PDE4D: variants seen among roughly 807,000 people sequenced by gnomAD.
PDE4D encodes 3',5'-cyclic-AMP phosphodiesterase 4D.
A neutral mutation model predicts 87.4 loss-of-function variants in PDE4D; 24 were observed. That is an observed-to-expected ratio of 0.27 (90% confidence interval 0.20 to 0.39). The LOEUF (loss-of-function observed/expected upper bound fraction) is 0.39, where lower values mean the gene tolerates loss of function less well. Ranked by LOEUF, PDE4D falls within the 10% of genes least tolerant of loss-of-function variation. The pLI, the probability that PDE4D is intolerant of heterozygous loss-of-function variation, is 1.00. For synonymous variants in PDE4D, 384 were observed against 383.2 expected, an observed-to-expected ratio of 1.00 and a Z score of -0.02; for missense variants, 714 against 1,041.0, an observed-to-expected ratio of 0.69 and a Z score of 4.32.
chr5:60,037,497 T>C (rs1003062473), intron 2 of PDE4D, among the ~76,000 whole-genome samples: 1 of 152,220 alleles, frequency 6.6e-6, no homozygotes, highest in African/African-American at 2.4e-5. Flanking sequence ...GGCCCATTTG[T>C]TTACTTATTC....
intron 2 of PDE4D, among the ~76,000 whole-genome samples, chr5:60,076,320 G>A (rs12153569): frequency 0.01 from 1,555 of 152,050 alleles, 12 homozygotes; most frequent in Non-Finnish European, 0.018. Context: ...TGCCATGCCC[G>A]GCTAGTTTTC....
chr5:59,866,168 T>G (rs553707806), intron 1 of PDE4D, among the ~76,000 whole-genome samples: 1 of 152,150 alleles, frequency 6.6e-6, no homozygotes, highest in Non-Finnish European at 1.5e-5. Flanking sequence ...GACAACTGTA[T>G]GTTGACAGAA....
chr5:59,607,136 C>G (rs1447873692), intron 1 of PDE4D, among the ~76,000 whole-genome samples: 1 of 152,120 alleles, frequency 6.6e-6, no homozygotes, highest in East Asian at 1.9e-4. Context: ...AATTTGATTC[C>G]TAACCCTATT....
chr5:60,416,671 A>C (rs1742608146), intron 1 of PDE4D, among the ~76,000 whole-genome samples: 1 of 152,208 alleles, frequency 6.6e-6, no homozygotes, highest in South Asian at 2.1e-4. Flanking sequence ...ACTCACCATG[A>C]GCGTCCGCGG....
intron 1 of PDE4D, among the ~76,000 whole-genome samples, chr5:59,431,463 G>A (rs924860347): frequency 6.6e-5 from 10 of 152,050 alleles, no homozygotes; most frequent in South Asian, 4.2e-4. Flanking sequence ...GAATAGACAC[G>A]CCAGTTTATT....
At chr5:59,647,150 G>A (rs570146728) in intron 1 of PDE4D, among the ~76,000 whole-genome samples, 1 of 152,266 alleles carries the variant, frequency 6.6e-6, no homozygotes, top group Non-Finnish European at 1.5e-5. Flanking sequence ...CAGCCTTCAA[G>A]TTGAAATGGA....
intron 1 of PDE4D, among the ~76,000 whole-genome samples, chr5:59,785,785 C>T (rs1561659154): frequency 1.3e-5 from 2 of 152,096 alleles, no homozygotes; most frequent in Admixed American, 1.3e-4. Flanking sequence ...AAGGATGGTA[C>T]CATGTTTTTG....
At chr5:60,121,459 G>A (rs1449545917) in intron 2 of PDE4D, among the ~76,000 whole-genome samples, 1 of 152,096 alleles carries the variant, frequency 6.6e-6, no homozygotes, top group African/African-American at 2.4e-5. Context: ...TGTGTCTGGG[G>A]AGGCCTCACA....
chr5:60,027,203 T>C (rs185778147), intron 2 of PDE4D, among the ~76,000 whole-genome samples: 1 of 152,282 alleles, frequency 6.6e-6, no homozygotes, highest in East Asian at 1.9e-4. Flanking sequence ...CAATAGATAG[T>C]TTCTTAACCC....
chr5:59,340,193 T>A lies in PDE4D; in HGVS notation c.456-124225A>T, dbSNP rs558338731. Among the ~76,000 whole-genome samples the A allele has an allele frequency of 1.8e-3, 273 of 152,318 alleles. 1 individual carries two copies. The highest frequency in any genetic ancestry group is 6.4e-3 in the African/African-American group (265 of 41,574). On this transcript the variant is annotated intron_variant, in intron 1 of 14. Transcript: ENST00000340635. ...GACTTGCTCATAAAATTTGATCTCA[T>A]TTATCACTTTAAATTTTATCCTTTT... is the stretch of plus-strand genomic sequence containing the variant.
At chr5:60,519,137 G>T (rs976652790) in intron 1 of PDE4D, among the ~76,000 whole-genome samples, 1 of 152,178 alleles carries the variant, frequency 6.6e-6, no homozygotes, top group Non-Finnish European at 1.5e-5. Flanking sequence ...TATTACTAAC[G>T]AACTTGAAGT....
At position 59,321,737 on chromosome 5, in the gene PDE4D, A is replaced by G. The variant is rs57717602; in HGVS notation, c.456-105769T>C. Among the ~76,000 whole-genome samples the G allele has an allele frequency of 0.018, 2,770 of 152,244 alleles. 150 individuals are homozygous for G. The East Asian group carries it at 0.22, about 12-fold the overall frequency. ...AGCAGCACAGAAGCCACAGAATGAA[A>G]GGAGAGCAAGTGCTGAGTGTAATAT... On this transcript the variant is annotated intron_variant, in intron 1 of 14. Transcript: ENST00000340635.
chr5:60,007,131 G>T (rs1764570574), intron 2 of PDE4D, among the ~76,000 whole-genome samples: 1 of 151,918 alleles, frequency 6.6e-6, no homozygotes, highest in Non-Finnish European at 1.5e-5. Flanking sequence ...TTTGCCACAT[G>T]TTGGCCTCTG....
chr5:59,228,796 A>G (rs71626145), intron 1 of PDE4D, among the ~76,000 whole-genome samples: 6,772 of 151,848 alleles, frequency 0.045, 279 homozygotes, highest in Admixed American at 0.14. Flanking sequence ...CTTTACCTAC[A>G]TCTCTCCCTC....
At chr5:60,194,097 C>G (rs1321993939) in intron 1 of PDE4D, among the ~76,000 whole-genome samples, 1 of 151,554 alleles carries the variant, frequency 6.6e-6, no homozygotes, top group Non-Finnish European at 1.5e-5. Flanking sequence ...TATGTTCTCC[C>G]TCCTCAAGAT....
At chr5:59,829,483 CA>C (rs1282264544) in intron 1 of PDE4D, among the ~76,000 whole-genome samples, 1 of 151,972 alleles carries the variant, frequency 6.6e-6, no homozygotes, top group East Asian at 1.9e-4. Context: ...TGTTATAACA[CA>C]GCTGTTTTTC....
At position 60,128,732 on chromosome 5, in the gene PDE4D, G is replaced by T. The variant is rs530781132; in HGVS notation, c.42+56825C>A. Reference sequence around the variant, plus strand: ...TAACTGATACACTGAAGCTGGCTACGTTGGAAGCAACTCAGAGGGGCAGCA... The same window carrying T: ...TAACTGATACACTGAAGCTGGCTACTTTGGAAGCAACTCAGAGGGGCAGCA... On this transcript the variant is annotated intron_variant, in intron 2 of 16. Transcript: ENST00000502484. Among the ~76,000 whole-genome samples the T allele has an allele frequency of 6.6e-5, 10 of 152,268 alleles. No homozygotes were observed. The South Asian group carries it at 1.5e-3, about 22-fold the overall frequency.
chr5:60,332,355 C>G (rs901229906), intron 1 of PDE4D, among the ~76,000 whole-genome samples: 18 of 152,030 alleles, frequency 1.2e-4, no homozygotes, highest in African/African-American at 4.3e-4. Context: ...TTCGGAGTCC[C>G]CAGTATCTAT....
At position 59,022,096 on chromosome 5, in the gene PDE4D, G is replaced by A. The variant is rs1313764775; in HGVS notation, c.921+16763C>T. ...TCATGAAATATACCATCCATAAATC[G>A]CTCTCCAGTCAGCTCTACCCCTCCC... On this transcript the variant is annotated intron_variant, in intron 6 of 14. Coordinates refer to ENST00000340635, the MANE Select transcript of PDE4D (RefSeq NM_001104631.2). Among the ~76,000 whole-genome samples the A allele has an allele frequency of 3.3e-5, 5 of 152,094 alleles. No individual in the cohort carries two copies. In the South Asian group the frequency reaches 6.2e-4, roughly 19 times the overall value.
Sources: gnomAD v4.1 joint callset for allele counts (sites outside exome capture counted in the v4.1 genomes callset) on GRCh38, gnomAD v4.1.1 for gene constraint, MANE v1.5 for transcripts, NCBI Gene and HGNC (gene_info 2026-07-23, HGNC 2026-07-21) for gene names.